Variants in PCDH15 observed in about 807,000 individuals in gnomAD.
The protein encoded by PCDH15 is protocadherin-15.
Under a neutral mutation model 178.5 loss-of-function variants are expected in PCDH15, and 129 were observed. The observed-to-expected ratio is 0.72, with a 90% CI of 0.63 to 0.84. The LOEUF (loss-of-function observed/expected upper bound fraction) is 0.84, where lower values mean the gene tolerates loss of function less well. Ranked by LOEUF, PCDH15 falls within the 40% of genes least tolerant of loss-of-function variation. The probability of loss-of-function intolerance (pLI) is 0.00; values close to 1 mark genes in which losing one functional copy is unlikely to be tolerated. For missense variants in PCDH15, 2,230 were observed against 2,099.9 expected (o/e 1.06, Z -1.21); for synonymous variants, 800 against 732.0 (o/e 1.09, Z -1.50).
intron 2 of PCDH15, among the ~76,000 whole-genome samples, chr10:55,602,212 C>T (rs1159656649): frequency 6.6e-6 from 1 of 152,168 alleles, no homozygotes; most frequent in African/African-American, 2.4e-5. Flanking sequence ...CGAGATTATA[C>T]CCCGCACCTG....
chr10:53,915,208 C>T (rs554312774), intron 25 of PCDH15, among the ~76,000 whole-genome samples: 2 of 152,128 alleles, frequency 1.3e-5, no homozygotes, highest in African/African-American at 4.8e-5. Flanking sequence ...AGTGTGCCCA[C>T]TAGACAGAAT....
intron 1 of PCDH15, among the ~76,000 whole-genome samples, chr10:54,772,361 A>G (rs548933489): frequency 1.4e-5 from 2 of 146,846 alleles, no homozygotes; most frequent in South Asian, 4.1e-4. Flanking sequence ...TAAAATAAAT[A>G]ATTTAAGACA....
rs79298106 is a variant in PCDH15 at position 54,400,819 on chromosome 10, C to T, written c.158-21877G>A. ...CCAAAATTAAACAATGAAAGATAGA[C>T]GAAAAGAGAAAAAAGCCAGAGGGAG... On this transcript the variant is annotated intron_variant, in intron 3 of 37. Coordinates refer to ENST00000644397, the MANE Select transcript of PCDH15 (RefSeq NM_001384140.1). Among the ~76,000 whole-genome samples, 1,319 of 150,706 alleles carry T rather than the reference C, an allele frequency of 8.8e-3. 23 individuals are homozygous for T. The highest frequency in any genetic ancestry group is 0.03 in the African/African-American group (1,246 of 41,092).
intron 2 of PCDH15, among the ~76,000 whole-genome samples, chr10:55,096,412 A>T (rs1842451693): frequency 6.6e-6 from 1 of 152,104 alleles, no homozygotes; most frequent in Non-Finnish European, 1.5e-5. Context: ...TTTGATACAC[A>T]TATATATAGT....
chr10:54,572,249 G>C (rs1260659571), intron 2 of PCDH15, among the ~76,000 whole-genome samples: 1 of 151,966 alleles, frequency 6.6e-6, no homozygotes, highest in South Asian at 2.1e-4. Context: ...CTATGTGTTA[G>C]GGTAAAGCAA....
intron 15 of PCDH15, among the ~76,000 whole-genome samples, chr10:54,127,520 A>G (rs1269217417): frequency 6.6e-6 from 1 of 152,210 alleles, no homozygotes; most frequent in Non-Finnish European, 1.5e-5. Flanking sequence ...TGAGAATAAT[A>G]TACTTTATAC....
At chr10:55,385,946 G>A (rs536035576) in intron 2 of PCDH15, among the ~76,000 whole-genome samples, 1 of 151,396 alleles carries the variant, frequency 6.6e-6, no homozygotes, top group South Asian at 2.1e-4. Flanking sequence ...TTCTCAGACT[G>A]TCAAAATAAA....
chr10:54,022,299 G>C (rs2092947401), intron 19 of PCDH15, among the ~76,000 whole-genome samples: 1 of 151,594 alleles, frequency 6.6e-6, no homozygotes, highest in Non-Finnish European at 1.5e-5. Flanking sequence ...TTAAAAAGGA[G>C]AGTTAGATTA....
chr10:54,351,552 A>T (rs11004251), intron 5 of PCDH15, among the ~76,000 whole-genome samples: 42,742 of 151,950 alleles, frequency 0.28, 7,555 homozygotes, highest in Non-Finnish European at 0.4. Context: ...GAAACTTTTC[A>T]CAATTTCTTC....
chr10:53,984,594 A>C (rs2090967148), intron 21 of PCDH15, among the ~76,000 whole-genome samples: 1 of 152,224 alleles, frequency 6.6e-6, no homozygotes, highest in African/African-American at 2.4e-5. Flanking sequence ...AACATATAGT[A>C]AATCTTGAGG....
At chr10:55,574,330 G>A (rs891206961) in intron 2 of PCDH15, among the ~76,000 whole-genome samples, 2 of 152,052 alleles carry the variant, frequency 1.3e-5, no homozygotes, top group African/African-American at 4.8e-5. Flanking sequence ...CCATGGAGCA[G>A]AGCATGGGAA....
intron 2 of PCDH15, among the ~76,000 whole-genome samples, chr10:55,332,827 T>G (rs1844240542): frequency 6.6e-6 from 1 of 152,208 alleles, no homozygotes; most frequent in African/African-American, 2.4e-5. Context: ...TCTGCCTTGA[T>G]TGTGAGACCT....
intron 16 of PCDH15, among the ~76,000 whole-genome samples, chr10:54,082,793 C>A (rs12573018): frequency 6.6e-6 from 1 of 150,820 alleles, no homozygotes; most frequent in African/African-American, 2.4e-5. Context: ...CATCAAGGGA[C>A]ATTATCGAGA....
chr10:54,312,265 C>G (rs570817498), intron 8 of PCDH15, among the ~76,000 whole-genome samples: 1 of 152,162 alleles, frequency 6.6e-6, no homozygotes, highest in African/African-American at 2.4e-5. Context: ...AGCTCAAAAA[C>G]TAACTCCAGT....
chr10:54,901,147 C>A (rs1426079665), intron 2 of PCDH15, among the ~76,000 whole-genome samples: 1 of 151,938 alleles, frequency 6.6e-6, no homozygotes, highest in Non-Finnish European at 1.5e-5. Flanking sequence ...CCCCCTCCAC[C>A]ATCTCTACAA....
rs549446114 is a variant in PCDH15 at position 54,221,533 on chromosome 10, A to G, written c.986-7485T>C. 4.0e-5 allele frequency among the ~76,000 whole-genome samples: 6 copies of G among 151,806 alleles called. No homozygotes were observed. The East Asian group carries it at 5.8e-4, about 15-fold the overall frequency. Reference sequence around the variant, plus strand: ...TCTCCCCATTCATATTTCTCACCCTATGCAAACACTGATCACTTTCTGTCT... The same window carrying G: ...TCTCCCCATTCATATTTCTCACCCTGTGCAAACACTGATCACTTTCTGTCT... On this transcript the variant is annotated intron_variant, in intron 9 of 37. Transcript: ENST00000644397.
Position 55,455,176 on chromosome 10 carries a change from T to C in PCDH15, c.-156+172449A>G, listed in dbSNP as rs763514027. ...CTGCCTTTACCTAAGCACAAACTAA[T>C]ATGCTTTCAATACTCATCTGTAAAA... On this transcript the variant is annotated intron_variant, in intron 2 of 5. Coordinates refer to the PCDH15 transcript ENST00000613346. Among the ~76,000 whole-genome samples, 55 of 152,128 alleles carry C rather than the reference T, an allele frequency of 3.6e-4. 1 individual carries two copies. The highest frequency in any genetic ancestry group is 5.9e-5 in the Non-Finnish European group (4 of 68,026).
intron 2 of PCDH15, among the ~76,000 whole-genome samples, chr10:54,914,286 T>C (rs2131837695): frequency 6.6e-6 from 1 of 152,206 alleles, no homozygotes; most frequent in East Asian, 1.9e-4. Flanking sequence ...TGAGATTTCA[T>C]TGTTTAAAAG....
chr10:55,034,027 A>G (rs1840676587), intron 2 of PCDH15, among the ~76,000 whole-genome samples: 1 of 152,042 alleles, frequency 6.6e-6, no homozygotes, highest in African/African-American at 2.4e-5. Context: ...CCAGACAAAC[A>G]AACCTGTCAG....
Sources: allele counts gnomAD v4.1 joint callset (sites outside exome capture counted in the v4.1 genomes callset), GRCh38; gene constraint gnomAD v4.1.1; transcripts MANE v1.5; gene names NCBI Gene and HGNC (gene_info 2026-07-23, HGNC 2026-07-21).